Variants in TAOK3 observed in about 807,000 individuals in gnomAD.
The protein encoded by TAOK3 is serine/threonine-protein kinase TAO3.
Under a neutral mutation model 120.4 loss-of-function variants are expected in TAOK3, and 40 were observed. That is an observed-to-expected ratio of 0.33 (90% CI 0.26 to 0.43). The LOEUF (loss-of-function observed/expected upper bound fraction) is 0.43. Among genes scored for constraint, TAOK3 ranks in the 20% least tolerant of loss-of-function variants. The pLI, the probability that TAOK3 is intolerant of heterozygous loss-of-function variation, is 1.00. For missense variants in TAOK3, 821 were observed against 1,112.1 expected, an observed-to-expected ratio of 0.74 and a Z score of 3.72; for synonymous variants, 355 against 387.5, an observed-to-expected ratio of 0.92 and a Z score of 0.99.
At chr12:118,278,342 T>G (rs1355832718) in intron 1 of TAOK3, among the ~76,000 whole-genome samples, 1 of 152,158 alleles carries the variant, frequency 6.6e-6, no homozygotes, top group Non-Finnish European at 1.5e-5. Context: ...CCCTTCTTTG[T>G]ATCCAAATGT....
chr12:118,370,718 T>G (rs2045870285), intron 1 of TAOK3, among the ~76,000 whole-genome samples: 1 of 152,240 alleles, frequency 6.6e-6, no homozygotes. Flanking sequence ...ATATCCTAAG[T>G]ACTGTGAACA....
intron 16 of TAOK3, among the ~76,000 whole-genome samples, chr12:118,174,457 G>C (rs1015095952): frequency 3.3e-5 from 5 of 151,424 alleles, no homozygotes; most frequent in Non-Finnish European, 5.9e-5. Flanking sequence ...AGTATGGTGA[G>C]CCAAAAATTG....
chr12:118,150,892 G>C lies in TAOK3; in HGVS notation c.*105C>G, dbSNP rs887084883. 1.7e-6 allele frequency: 2 copies of C among 1,144,444 alleles called. No individual in the cohort carries two copies. Among genetic ancestry groups the C allele is most frequent in the Non-Finnish European group, 2.4e-6 (2 of 820,836 alleles). 70.9% of individuals were successfully genotyped at this position (1,144,444 alleles called of 1,614,324 possible). A position where few individuals can be genotyped will look rare whatever the true frequency, so the allele number is the denominator to read the frequency against. On this transcript the variant is annotated 3_prime_UTR_variant, in exon 21 of 21. Transcript: ENST00000392533. ...TCAGTAAGAGTAAGAGAGAGAGAGA[G>C]TGAGAGCAACGCCCGTTAAAATGGG...
chr12:118,262,888 G>A (rs140365676), intron 2 of TAOK3, among the ~76,000 whole-genome samples: 2 of 150,944 alleles, frequency 1.3e-5, no homozygotes, highest in East Asian at 3.9e-4. Context: ...TATAAGACCT[G>A]TACACTGAAA....
At chr12:118,177,609 A>G (rs1029765492) in intron 15 of TAOK3, among the ~76,000 whole-genome samples, 2 of 151,970 alleles carry the variant, frequency 1.3e-5, no homozygotes, top group Admixed American at 1.3e-4. Flanking sequence ...AGATCACCTG[A>G]GGTCGGGAGT....
At chr12:118,167,510 T>C (rs192719526) in intron 17 of TAOK3, among the ~76,000 whole-genome samples, 1 of 151,276 alleles carries the variant, frequency 6.6e-6, no homozygotes, top group East Asian at 1.9e-4. Flanking sequence ...ATAAATGATA[T>C]TGAGGCCATA....
At chr12:118,223,131 G>A (rs1357314391) in intron 9 of TAOK3, among the ~76,000 whole-genome samples, 1 of 145,876 alleles carries the variant, frequency 6.9e-6, no homozygotes, top group Non-Finnish European at 1.5e-5. Flanking sequence ...GTGCAGCGGC[G>A]TGATCTCGGC....
intron 11 of TAOK3, among the ~76,000 whole-genome samples, chr12:118,210,375 A>G (rs1593168439): frequency 6.6e-6 from 1 of 152,062 alleles, no homozygotes; most frequent in African/African-American, 2.4e-5. Context: ...CTTATATTTT[A>G]TTTCCCTTAG....
chr12:118,201,507 G>A (rs17440433), intron 11 of TAOK3, 44 bp from the exon 12 acceptor site: 198,308 of 1,561,866 alleles, frequency 0.13, 13,614 homozygotes, highest in Non-Finnish European at 0.14. Context: ...ATGAAGAAAT[G>A]TCCTTAGGTG....
Position 118,172,776 on chromosome 12 carries a change from A to C in TAOK3, c.1696-116T>G, listed in dbSNP as rs543291745. 5 of 948,610 alleles carry C rather than the reference A, an allele frequency of 5.3e-6. No homozygotes were observed. The African/African-American group carries it at 6.6e-5, about 12-fold the overall frequency. 58.8% of individuals were successfully genotyped at this position (948,610 alleles called of 1,614,324 possible). A position where few individuals can be genotyped will look rare whatever the true frequency, so the allele number is the denominator to read the frequency against. ...GCCAATGCAGATGTAAGCACAGAAA[A>C]GCTTAGTGTTGCACATCCTTCCCCC... On this transcript the variant is annotated intron_variant, in intron 16 of 20. Coordinates refer to ENST00000392533, the MANE Select transcript of TAOK3 (RefSeq NM_016281.4).
At chr12:118,217,689 T>A (rs2038975100) in intron 9 of TAOK3, among the ~76,000 whole-genome samples, 2 of 148,224 alleles carry the variant, frequency 1.3e-5, no homozygotes, top group Admixed American at 6.7e-5. Context: ...ATCTCAAAAA[T>A]AAAAAATAAA....
At chr12:118,351,550 G>A (rs1248079210) in intron 1 of TAOK3, among the ~76,000 whole-genome samples, 1 of 152,132 alleles carries the variant, frequency 6.6e-6, no homozygotes, top group Non-Finnish European at 1.5e-5. Flanking sequence ...AAAACATTTT[G>A]CATTTTAAAA....
intron 1 of TAOK3, among the ~76,000 whole-genome samples, chr12:118,312,926 C>T (rs1426121264): frequency 6.6e-6 from 1 of 152,094 alleles, no homozygotes; most frequent in Non-Finnish European, 1.5e-5. Context: ...ATGTGAATTC[C>T]ATCAATCAAA....
intron 9 of TAOK3, among the ~76,000 whole-genome samples, chr12:118,221,064 G>A (rs2039206016): frequency 1.3e-5 from 2 of 152,210 alleles, no homozygotes; most frequent in Admixed American, 1.3e-4. Flanking sequence ...AGCCATGCCT[G>A]TACATTAATG....
At chr12:118,349,594 G>A (rs575652426) in intron 1 of TAOK3, among the ~76,000 whole-genome samples, 69 of 152,162 alleles carry the variant, frequency 4.5e-4, no homozygotes, top group Admixed American at 9.2e-4. Context: ...CTTACCAGGG[G>A]TTGGGGATAA....
intron 1 of TAOK3, among the ~76,000 whole-genome samples, chr12:118,332,399 T>G (rs1015823948): frequency 6.6e-6 from 1 of 152,180 alleles, no homozygotes; most frequent in African/African-American, 2.4e-5. Context: ...AAGCCTATCC[T>G]GAAGCTTCTC....
At chr12:118,348,127 C>T (rs1027967640) in intron 1 of TAOK3, among the ~76,000 whole-genome samples, 1 of 151,748 alleles carries the variant, frequency 6.6e-6, no homozygotes, top group Non-Finnish European at 1.5e-5. Flanking sequence ...AAAAGGTATC[C>T]ACAATTCAAG....
chr12:118,313,876 C>T (rs997560915), intron 1 of TAOK3, among the ~76,000 whole-genome samples: 2 of 152,150 alleles, frequency 1.3e-5, no homozygotes, highest in African/African-American at 4.8e-5. Context: ...ATCCTCATTG[C>T]CATTAAAGTT....
chr12:118,255,837 C>A (rs988724233), intron 2 of TAOK3, 182 bp from the exon 3 acceptor site: 1 of 248,842 alleles, frequency 4.0e-6, no homozygotes, highest in African/African-American at 2.3e-5. Flanking sequence ...AATCCCGGCA[C>A]TTTGGGAGGC....
Sources: gnomAD v4.1 joint callset for allele counts (sites outside exome capture counted in the v4.1 genomes callset) on GRCh38, gnomAD v4.1.1 for gene constraint, MANE v1.5 for transcripts, NCBI Gene and HGNC (gene_info 2026-07-23, HGNC 2026-07-21) for gene names.